NBAS: variants seen among roughly 807,000 people sequenced by gnomAD.
NBAS encodes the protein NBAS subunit of NRZ tethering complex.
In NBAS, 219 loss-of-function variants were observed where a neutral mutation model predicts 302.5. The observed-to-expected ratio is 0.72, with a 90% CI of 0.65 to 0.81. The LOEUF (loss-of-function observed/expected upper bound fraction) is 0.81, where lower values mean the gene tolerates loss of function less well. Ranked by LOEUF, NBAS falls within the 30% of genes least tolerant of loss-of-function variation. The pLI, the probability that NBAS is intolerant of heterozygous loss-of-function variation, is 0.00. For synonymous variants in NBAS, 1,118 were observed against 1,021.6 expected (o/e 1.09, Z -1.80); for missense variants, 2,932 against 2,841.6 (o/e 1.03, Z -0.72).
chr2:15,297,895 TA>T (rs1159022197), intron 40 of NBAS, among the ~76,000 whole-genome samples: 1 of 152,170 alleles, frequency 6.6e-6, no homozygotes, highest in Non-Finnish European at 1.5e-5. Flanking sequence ...TGTGTAAATA[TA>T]AACACCCATT....
At position 15,366,709 on chromosome 2, in the gene NBAS, G is replaced by C; in HGVS notation, c.3704-16C>G. 4 of 1,609,462 alleles carry C rather than the reference G, an allele frequency of 2.5e-6. No homozygotes were observed. The highest frequency in any genetic ancestry group is 3.4e-6 in the Non-Finnish European group (4 of 1,175,908). On this transcript the variant is annotated splice_polypyrimidine_tract_variant and intron_variant, in intron 31 of 51. Coordinates refer to ENST00000281513, the MANE Select transcript of NBAS (RefSeq NM_015909.4). ...CACAATCGCACTACAAAAGAAAGAC[G>C]TATTAAAGACTTGGACCAGGGACAT...
intron 32 of NBAS, among the ~76,000 whole-genome samples, chr2:15,362,590 TAAC>T (rs1307964525): frequency 6.6e-6 from 1 of 152,198 alleles, no homozygotes; most frequent in Non-Finnish European, 1.5e-5. Flanking sequence ...CATGATTTAG[TAAC>T]AGTAACATAT....
chr2:15,185,881 T>C (rs1288793079), intron 50 of NBAS, among the ~76,000 whole-genome samples: 2 of 152,154 alleles, frequency 1.3e-5, no homozygotes, highest in Non-Finnish European at 2.9e-5. Context: ...AAGGATCATA[T>C]TTACAAATTT....
the NBAS span, among the ~76,000 whole-genome samples, chr2:15,034,508 C>T: frequency 1.3e-5 from 2 of 152,024 alleles, no homozygotes; most frequent in South Asian, 2.1e-4. Flanking sequence ...GCAACACAGC[C>T]GGTGGTGCTT....
the NBAS span, among the ~76,000 whole-genome samples, chr2:14,877,446 T>C: frequency 5.9e-5 from 9 of 152,116 alleles, no homozygotes; most frequent in Admixed American, 3.9e-4. Flanking sequence ...ATTTCTACAT[T>C]GGATAATGTT....
chr2:14,970,383 G>C, the NBAS span, among the ~76,000 whole-genome samples: 2 of 152,174 alleles, frequency 1.3e-5, no homozygotes, highest in African/African-American at 4.8e-5. Flanking sequence ...CTAGAGCTGG[G>C]CTGCTGAAAT....
chr2:15,003,775 GC>G, the NBAS span, among the ~76,000 whole-genome samples: 1 of 152,160 alleles, frequency 6.6e-6, no homozygotes, highest in African/African-American at 2.4e-5. Flanking sequence ...CCAACCAGGG[GC>G]AAAATATTTA....
At chr2:15,438,496 T>C (rs1337437533) in intron 21 of NBAS, among the ~76,000 whole-genome samples, 1 of 152,050 alleles carries the variant, frequency 6.6e-6, no homozygotes, top group African/African-American at 2.4e-5. Context: ...CTTGAATTAA[T>C]CTAAAAAACT....
intron 21 of NBAS, among the ~76,000 whole-genome samples, chr2:15,451,266 G>C (rs969686940): frequency 4.6e-5 from 7 of 152,064 alleles, no homozygotes; most frequent in Non-Finnish European, 8.8e-5. Context: ...TGCCCAGCTA[G>C]TCTCAAATAC....
the NBAS span, among the ~76,000 whole-genome samples, chr2:14,863,825 G>T: frequency 2.0e-5 from 3 of 152,194 alleles, no homozygotes; most frequent in Non-Finnish European, 4.4e-5. Flanking sequence ...GGAAACTGAG[G>T]TTTTAAAAGC....
chr2:15,241,256 C>G (rs1034807508), intron 44 of NBAS, among the ~76,000 whole-genome samples: 2 of 152,180 alleles, frequency 1.3e-5, no homozygotes, highest in Non-Finnish European at 2.9e-5. Flanking sequence ...TTGGCTATAT[C>G]AGCTAGCCAA....
intron 25 of NBAS, among the ~76,000 whole-genome samples, chr2:15,409,467 C>A (rs1312109095): frequency 6.6e-6 from 1 of 152,170 alleles, no homozygotes; most frequent in Non-Finnish European, 1.5e-5. Context: ...TTTTTCATTT[C>A]TTCACCTTCA....
chr2:15,277,912 C>T (rs991137689), intron 42 of NBAS, among the ~76,000 whole-genome samples: 16 of 152,010 alleles, frequency 1.1e-4, no homozygotes, highest in African/African-American at 1.5e-4. Flanking sequence ...TCTCAATGCC[C>T]CTTACGTGAT....
the NBAS span, among the ~76,000 whole-genome samples, chr2:15,009,179 T>C: frequency 5.3e-5 from 8 of 152,322 alleles, no homozygotes; most frequent in African/African-American, 1.9e-4. Context: ...TCACAAAGGT[T>C]TGTGGACTGA....
the NBAS span, among the ~76,000 whole-genome samples, chr2:15,141,994 G>A: frequency 6.6e-6 from 1 of 152,208 alleles, no homozygotes; most frequent in Non-Finnish European, 1.5e-5. Flanking sequence ...TAAAAACAGT[G>A]TGAGTCTGTG....
chr2:15,132,842 CTA>C, the NBAS span, among the ~76,000 whole-genome samples: 21 of 148,180 alleles, frequency 1.4e-4, no homozygotes, highest in African/African-American at 5.2e-4. Context: ...AGATAGGAAA[CTA>C]TATACACATA....
the NBAS span, among the ~76,000 whole-genome samples, chr2:14,809,124 T>C: frequency 6.6e-6 from 1 of 152,202 alleles, no homozygotes; most frequent in East Asian, 1.9e-4. Flanking sequence ...CATAAAAGTA[T>C]GGAAAATTTG....
chr2:14,885,809 T>A, the NBAS span, among the ~76,000 whole-genome samples: 2 of 152,132 alleles, frequency 1.3e-5, no homozygotes, highest in African/African-American at 4.8e-5. Flanking sequence ...GAGATGACAA[T>A]GTTTTGGAAT....
At chr2:14,976,677 G>C in the NBAS span, among the ~76,000 whole-genome samples, 5 of 152,178 alleles carry the variant, frequency 3.3e-5, no homozygotes, top group Non-Finnish European at 7.3e-5. Flanking sequence ...ATGTAATCAA[G>C]TTTGGGACCT....
Sources: allele counts gnomAD v4.1 joint callset (sites outside exome capture counted in the v4.1 genomes callset), GRCh38; gene constraint gnomAD v4.1.1; transcripts MANE v1.5; gene names NCBI Gene and HGNC (gene_info 2026-07-23, HGNC 2026-07-21).